The following CPO variants were observed in gnomAD, a reference collection of about 807,000 sequenced individuals.
The protein encoded by CPO is metallocarboxypeptidase C.
CPO carries 43 observed loss-of-function variants against 41.2 expected under a neutral mutation model. That is an observed-to-expected ratio of 1.04 (90% CI 0.82 to 1.35). The LOEUF (loss-of-function observed/expected upper bound fraction) is 1.35. CPO is among the 40% of genes most tolerant of loss of function. The pLI, the probability that CPO is intolerant of heterozygous loss-of-function variation, is 0.00. For synonymous variants in CPO, 178 were observed against 162.7 expected, an observed-to-expected ratio of 1.09 and a Z score of -0.72; for missense variants, 408 against 451.7, an observed-to-expected ratio of 0.90 and a Z score of 0.88.
rs1395637769 is a variant in CPO at position 206,943,698 on chromosome 2, AGATAGATAGATAGATAGATG to A, written c.68+4032_68+4051del. Among the ~76,000 whole-genome samples, 548 of 127,344 alleles carry A rather than the reference AGATAGATAGATAGATAGATG, an allele frequency of 4.3e-3. 4 individuals are homozygous for A. Among genetic ancestry groups the A allele is most frequent in the African/African-American group, 6.1e-3 (204 of 33,550 alleles). 83.5% of individuals were successfully genotyped at this position (127,344 alleles called of 152,430 possible). ...ATGATAGATAGATAGATAGATAGAT[AGATAGATAGATAGATAGATG>A]ATGGATAGATGATAGATAGATAGAT... On this transcript the variant is annotated intron_variant, in intron 1 of 8. Transcript: ENST00000272852.
intron 1 of CPO, 56 bp from the exon 2 acceptor site, chr2:206,949,561 C>T: frequency 7.7e-7 from 1 of 1,298,532 alleles, no homozygotes; most frequent in Non-Finnish European, 1.1e-6. Context: ...ACCCGCCAAC[C>T]CTCAGGATAT....
chr2:206,960,691 GT>G lies in CPO; in HGVS notation c.484-160del, dbSNP rs1693462226. On this transcript the variant is annotated intron_variant, in intron 5 of 8. Coordinates refer to ENST00000272852, the MANE Select transcript of CPO (RefSeq NM_173077.3). The stretch of plus-strand genomic sequence containing the variant: ...AGTATTGGGGGCTGCTAGCCCATCT[GT>G]AAGACTAAAAATTACACACACAAGC... 2.0e-5 allele frequency among the ~76,000 whole-genome samples: 3 copies of G among 152,222 alleles called. No individual in the cohort carries two copies. In the South Asian group the frequency reaches 6.2e-4, roughly 32 times the overall value.
intron 2 of CPO, among the ~76,000 whole-genome samples, chr2:206,951,963 TA>T (rs1442734952): frequency 6.6e-6 from 1 of 152,254 alleles, no homozygotes. Flanking sequence ...GGTAAGCTGT[TA>T]TTCTTTTCAG....
At position 206,949,635 on chromosome 2, in the gene CPO, A is replaced by G. The variant is rs1693212157; in HGVS notation, c.87A>G (p.Arg29=). ...TTTGCAGATCCTTAGCCCAACACAG[A>G]CAAGAGATTGTGGACAAGTCAGTGA... ...LGYDRSLAQH[R]QEIVDKSVSP... Residue 29 remains arginine, a synonymous_variant, in exon 2 of 9, where the codon AGA becomes AGG. Transcript: ENST00000272852. The G allele has an allele frequency of 1.9e-6, 3 of 1,613,186 alleles. No individual in the cohort carries two copies. Among genetic ancestry groups the G allele is most frequent in the Admixed American group, 1.7e-5 (1 of 59,952 alleles).
In CPO at chr2:206,943,652, C is replaced by T. The variant is rs145755196; in HGVS notation, c.68+3985C>T. ...GTATTTACCTTAAGAATTATTGTTA[C>T]GATCAAATGAAGATAGATAGATGAT... On this transcript the variant is annotated intron_variant, in intron 1 of 8. Transcript: ENST00000272852. 3.0e-3 allele frequency among the ~76,000 whole-genome samples: 369 copies of T among 121,904 alleles called. 4 individuals carry two copies. The Middle Eastern group carries it at 0.052, about 17-fold the overall frequency. The allele number at this position is 121,904 out of a possible 152,430, so 80.0% of individuals were successfully genotyped here.
At chr2:206,962,710 C>A (rs2105828304) in intron 7 of CPO, 96 bp downstream of exon 7, 1 of 965,228 alleles carries the variant, frequency 1.0e-6, no homozygotes, top group Non-Finnish European at 1.6e-6. Context: ...CTCCAGCCAC[C>A]CTTTTGTTCT....
rs1693412395 is a variant in CPO at position 206,958,371 on chromosome 2, T to C, written c.338T>C (p.Ile113Thr). 1 of 1,601,410 alleles carries C rather than the reference T, an allele frequency of 6.2e-7. No homozygotes were observed. The highest frequency in any genetic ancestry group is 8.5e-7 in the Non-Finnish European group (1 of 1,173,580). Residue 113 changes from isoleucine to threonine, a missense_variant, in exon 4 of 9, where the codon ATT (isoleucine) becomes ACT (threonine). Physicochemically the swap from Ile to Thr is moderately conservative, Grantham distance 89. Coordinates refer to ENST00000272852, the MANE Select transcript of CPO (RefSeq NM_173077.3). ...TGTGGAATTCACGCCAGAGAATGGA[T>C]TGCTCCTGCTTTTTGCCAATGGTTC... is the stretch of plus-strand genomic sequence containing the variant. ...MDCGIHAREW[I>T]APAFCQWFVK...
In CPO at chr2:206,962,504, G is replaced by T. The variant is rs376068190; in HGVS notation, c.667G>T (p.Glu223Ter). The T allele has an allele frequency of 2.0e-5, 32 of 1,614,016 alleles. No individual in the cohort carries two copies. The highest frequency in any genetic ancestry group is 1.8e-4 in the Admixed American group (11 of 60,002). ...GACTAAAGCTGTTGCCAGCTTCATA[G>T]AGAGCAAGAAGGATGATATTTTGTG... is the stretch of plus-strand genomic sequence containing the variant. ...PETKAVASFI[E>*]SKKDDILCFL... Residue 223 changes from glutamate to a stop codon, truncating the protein, a stop_gained, in exon 7 of 9, where the codon GAG becomes TAG. Coordinates refer to ENST00000272852, the MANE Select transcript of CPO (RefSeq NM_173077.3). LOFTEE classifies it high-confidence loss of function.
At chr2:206,967,332 T>TC (rs1693592476) in intron 7 of CPO, among the ~76,000 whole-genome samples, 2 of 66,946 alleles carry the variant, frequency 3.0e-5, no homozygotes, top group South Asian at 7.0e-4. Context: ...TCTGAAATGC[T>TC]ATATATATAT....
intron 1 of CPO, among the ~76,000 whole-genome samples, chr2:206,943,298 C>A (rs1693062282): frequency 6.6e-6 from 1 of 152,110 alleles, no homozygotes; most frequent in African/African-American, 2.4e-5. Flanking sequence ...AATCTCACTT[C>A]ATGGCAGGAC....
chr2:206,941,092 A>G (rs1693021633), intron 1 of CPO, among the ~76,000 whole-genome samples: 2 of 152,132 alleles, frequency 1.3e-5, no homozygotes, highest in South Asian at 2.1e-4. Flanking sequence ...GCCTTAAAAC[A>G]TAAATCTTTT....
Position 206,939,590 on chromosome 2 carries a change from G to A in CPO, c.-10G>A, listed in dbSNP as rs946331705. On this transcript the variant is annotated 5_prime_UTR_variant, in exon 1 of 9. The change creates a new upstream start codon in the 5' untranslated region. Coordinates refer to ENST00000272852, the MANE Select transcript of CPO (RefSeq NM_173077.3). Reference sequence around the variant, plus strand: ...GAGGCCCAGAATTTTCTAACTTACTGTGTGGCAGAATGAAGCCTCTGCTTG... The same window carrying A: ...GAGGCCCAGAATTTTCTAACTTACTATGTGGCAGAATGAAGCCTCTGCTTG... 2.5e-5 allele frequency: 40 copies of A among 1,610,028 alleles called. No homozygotes were observed. Among genetic ancestry groups the A allele is most frequent in the Non-Finnish European group, 3.0e-5 (35 of 1,177,094 alleles).
In CPO at chr2:206,969,201, G is replaced by A; in HGVS notation, c.890G>A (p.Trp297Ter). ...LYASSGSSRD[W>*]ARDIGIPFSY... Reference sequence around the variant, plus strand: ...GCCTCATCAGGGTCTTCAAGAGATTGGGCCCGAGACATTGGGATTCCCTTC... The same window carrying A: ...GCCTCATCAGGGTCTTCAAGAGATTAGGCCCGAGACATTGGGATTCCCTTC... Residue 297 changes from tryptophan (W) to a stop codon, truncating the protein, a stop_gained, in exon 9 of 9, where the codon TGG (tryptophan) becomes TAG (stop). Transcript: ENST00000272852. LOFTEE classifies it low-confidence loss of function (END_TRUNC). The A allele has an allele frequency of 6.2e-7, 1 of 1,614,150 alleles. No individual in the cohort carries two copies. Among genetic ancestry groups the A allele is most frequent in the Non-Finnish European group, 8.5e-7 (1 of 1,179,990 alleles).
chr2:206,957,575 C>A (rs1693393774), intron 3 of CPO, among the ~76,000 whole-genome samples: 1 of 152,062 alleles, frequency 6.6e-6, no homozygotes, highest in African/African-American at 2.4e-5. Context: ...CAACAAATAG[C>A]CTTGGTCTAG....
In CPO at chr2:206,962,422, C is replaced by T. The variant is rs1393287785; in HGVS notation, c.585C>T (p.Ala195=). Residue 195 remains alanine (A), a synonymous_variant, in exon 7 of 9, where the codon GCC becomes GCT. Transcript: ENST00000272852. ...NFNASWCSIG[A]SRNCQDQTFC... Reference sequence around the variant, plus strand: ...TCTTCCATATTCTAGGTATTGGTGCCTCTAGAAACTGCCAAGATCAAACAT... The same window carrying T: ...TCTTCCATATTCTAGGTATTGGTGCTTCTAGAAACTGCCAAGATCAAACAT... The T allele has an allele frequency of 6.2e-7, 1 of 1,613,968 alleles. No homozygotes were observed. Among genetic ancestry groups the T allele is most frequent in the Admixed American group, 1.7e-5 (1 of 60,020 alleles).
chr2:206,950,367 A>C (rs1693230187), intron 2 of CPO, among the ~76,000 whole-genome samples: 1 of 152,242 alleles, frequency 6.6e-6, no homozygotes, highest in South Asian at 2.1e-4. Flanking sequence ...AATGCAAATC[A>C]AAACAACAAT....
At chr2:206,943,728 T>TAGATGATG (rs1410767599) in intron 1 of CPO, among the ~76,000 whole-genome samples, 1 of 123,608 alleles carries the variant, frequency 8.1e-6, no homozygotes, top group Non-Finnish European at 1.9e-5. Context: ...GATGGATAGA[T>TAGATGATG]GATAGATAGA....
At chr2:206,953,889 G>A (rs1394182064) in intron 2 of CPO, among the ~76,000 whole-genome samples, 1 of 152,182 alleles carries the variant, frequency 6.6e-6, no homozygotes, top group East Asian at 1.9e-4. Context: ...GCACCTGCAG[G>A]CTCAACACTA....
intron 7 of CPO, among the ~76,000 whole-genome samples, chr2:206,967,352 GAT>G (rs1289145502): frequency 4.2e-5 from 5 of 118,438 alleles, no homozygotes; most frequent in African/African-American, 1.0e-4. Flanking sequence ...TATATATATA[GAT>G]ATATAGATAT....
Sources: gnomAD v4.1 joint callset for allele counts (sites outside exome capture counted in the v4.1 genomes callset) on GRCh38, gnomAD v4.1.1 for gene constraint, MANE v1.5 for transcripts, NCBI Gene and HGNC (gene_info 2026-07-23, HGNC 2026-07-21) for gene names.